Variants in PRDM12 observed in about 807,000 individuals in gnomAD.
The protein encoded by PRDM12 is PR/SET domain 12.
Under a neutral mutation model 29.6 loss-of-function variants are expected in PRDM12, and 17 were observed. That is an observed-to-expected ratio of 0.57 (90% CI 0.39 to 0.86). PRDM12 has a LOEUF of 0.86. Ranked by LOEUF, PRDM12 falls within the 40% of genes least tolerant of loss-of-function variation. The probability of loss-of-function intolerance (pLI) is 0.00; values close to 1 mark genes in which losing one functional copy is unlikely to be tolerated. For synonymous variants in PRDM12, 231 were observed against 225.8 expected, an observed-to-expected ratio of 1.02 and a Z score of -0.21; for missense variants, 422 against 510.8, an observed-to-expected ratio of 0.83 and a Z score of 1.68.
chr9:130,673,264 C>T (rs571444723), intron 3 of PRDM12, among the ~76,000 whole-genome samples: 50 of 152,284 alleles, frequency 3.3e-4, no homozygotes, highest in African/African-American at 1.1e-3. Flanking sequence ...GGCGGGACCC[C>T]GGGAGCCTCT....
chr9:130,668,052 T>C lies in PRDM12; in HGVS notation c.415-106T>C. 7.2e-7 allele frequency: 1 copy of C among 1,392,540 alleles called. No homozygotes were observed. The highest frequency in any genetic ancestry group is 1.4e-5 in the African/African-American group (1 of 70,772). 86.3% of individuals were successfully genotyped at this position (1,392,540 alleles called of 1,614,324 possible). On this transcript the variant is annotated intron_variant, in intron 2 of 4. Coordinates refer to ENST00000253008, the MANE Select transcript of PRDM12 (RefSeq NM_021619.3). This position sits in a 1 kb window ranked among gnomAD's most constrained non-coding sequence, Gnocchi z 4.0. ...GTGGGAAAATGAAGCTTTATCCACT[T>C]CCTGGGGCTGTTGTGAGGATGGAGA...
chr9:130,668,254 C>G lies in PRDM12; in HGVS notation c.511C>G (p.Gln171Glu). The change falls in exon 3 of 5, where the codon CAG becomes GAG. Residue 171 changes from glutamine to glutamate, a missense_variant. Gln to Glu is a conservative substitution (Grantham distance 29, BLOSUM62 2). Around this residue, in one of 5 missense-constraint regions of PRDM12, gnomAD observed 300 missense variants for 350.0 expected, o/e 0.86. Coordinates refer to ENST00000253008, the MANE Select transcript of PRDM12 (RefSeq NM_021619.3). This position sits in a 1 kb window ranked among gnomAD's most constrained non-coding sequence, Gnocchi z 4.0. ...CTACATCAAGTGTGCACGTAACGAA[C>G]AGGAGCAGAACCTGGAGGTGGTCCA... ...MTYIKCARNE[Q>E]EQNLEVVQIG... 3 of 1,614,196 alleles carry G rather than the reference C, an allele frequency of 1.9e-6. No individual in the cohort carries two copies. Among genetic ancestry groups the G allele is most frequent in the Non-Finnish European group, 2.5e-6 (3 of 1,180,028 alleles).
chr9:130,664,699 G>A lies in PRDM12; in HGVS notation c.46G>A (p.Gly16Arg), dbSNP rs759815395. The change falls in exon 1 of 5, where the codon GGG (glycine) becomes AGG (arginine). Residue 16 changes from glycine to arginine, a missense_variant. Physicochemically the swap from Gly to Arg is moderately radical, Grantham distance 125. This residue lies in a region of PRDM12 where 300 missense variants were observed against 350.0 expected (regional missense o/e 0.86). Coordinates refer to ENST00000253008, the MANE Select transcript of PRDM12 (RefSeq NM_021619.3). The surrounding 1 kb of genome is among the most constrained non-coding windows in gnomAD (Gnocchi z 6.4). ...GGCTGAGGCCCTGGTGCTCAAGACC[G>A]GGCTGAAGGCGCCGGGACTGGCGCT... is the stretch of plus-strand genomic sequence containing the variant. ...LPAEALVLKT[G>R]LKAPGLALAE... The A allele has an allele frequency of 6.9e-6, 11 of 1,601,458 alleles. No individual in the cohort carries two copies. In the African/African-American group the frequency reaches 1.2e-4, roughly 18 times the overall value.
chr9:130,674,421 T>G (rs1033712271), intron 3 of PRDM12, among the ~76,000 whole-genome samples: 2 of 151,762 alleles, frequency 1.3e-5, no homozygotes, highest in East Asian at 3.9e-4. Context: ...AATGCTGGGA[T>G]TACAGGTGAG....
rs1043322798 is a variant in PRDM12, at chr9:130,677,376, T to C, written c.571-1153T>C. Among the ~76,000 whole-genome samples, 15 of 152,334 alleles carry C rather than the reference T, an allele frequency of 9.8e-5. No individual in the cohort carries two copies. The South Asian group carries it at 2.1e-3, about 21-fold the overall frequency. Reference sequence around the variant, plus strand: ...AACCAAGCAGACACAGAGGGGGCCCTGTCTCTGACCACAGAAGCCAACGCG... The same window carrying C: ...AACCAAGCAGACACAGAGGGGGCCCCGTCTCTGACCACAGAAGCCAACGCG... On this transcript the variant is annotated intron_variant, in intron 3 of 4. Transcript: ENST00000253008.
At position 130,681,809 on chromosome 9, in the gene PRDM12, C is replaced by T. The variant is rs1282623414; in HGVS notation, c.*140C>T. On this transcript the variant is annotated 3_prime_UTR_variant, in exon 5 of 5. Coordinates refer to ENST00000253008, the MANE Select transcript of PRDM12 (RefSeq NM_021619.3). This position sits in a 1 kb window ranked among gnomAD's most constrained non-coding sequence, Gnocchi z 8.1. Reference sequence around the variant, plus strand: ...GCGCGCTGGGGTTGCGCCCCGGAGGCGGATCTCAGGCACCCCCGCCTTGGC... The same window carrying T: ...GCGCGCTGGGGTTGCGCCCCGGAGGTGGATCTCAGGCACCCCCGCCTTGGC... 2.6e-6 allele frequency: 2 copies of T among 784,270 alleles called. No homozygotes were observed. The highest frequency in any genetic ancestry group is 1.9e-5 in the African/African-American group (1 of 52,984). The allele number at this position is 784,270 out of a possible 1,614,324, so 48.6% of individuals were successfully genotyped here.
rs903639979 is a variant in PRDM12 at position 130,681,771 on chromosome 9, G to T, written c.*102G>T. 9.6e-6 allele frequency: 9 copies of T among 937,140 alleles called. No individual in the cohort carries two copies. Among genetic ancestry groups the T allele is most frequent in the Non-Finnish European group, 1.0e-5 (8 of 786,422 alleles). The allele number at this position is 937,140 out of a possible 1,614,324, so 58.1% of individuals were successfully genotyped here. A position where few individuals can be genotyped will look rare whatever the true frequency, so the allele number is the denominator to read the frequency against. On this transcript the variant is annotated 3_prime_UTR_variant, in exon 5 of 5. Transcript: ENST00000253008. The surrounding 1 kb of genome is among the most constrained non-coding windows in gnomAD (Gnocchi z 8.1). ...CAGCCCCAACCCCCGGCCCGGCGCC[G>T]CCGCGGAGCCCCGCGCGCTGGGGTT...
chr9:130,680,634 A>AAATATATATATATATATATAT (rs1469778040), intron 4 of PRDM12, among the ~76,000 whole-genome samples: 1 of 88,496 alleles, frequency 1.1e-5, no homozygotes, highest in Non-Finnish European at 1.9e-5. Context: ...AAAAAAAAAA[A>AAATATATATATATATATATAT]ATATATATAT....
At chr9:130,678,381 G>C in intron 3 of PRDM12, 148 bp from the exon 4 acceptor site, 1 of 608,252 alleles carries the variant, frequency 1.6e-6, no homozygotes, top group South Asian at 2.0e-5. Context: ...CAGCTTCCCG[G>C]GACAGCTCAG....
At chr9:130,669,651 T>C (rs1830769508) in intron 3 of PRDM12, among the ~76,000 whole-genome samples, 1 of 149,286 alleles carries the variant, frequency 6.7e-6, no homozygotes, top group Non-Finnish European at 1.5e-5. Flanking sequence ...CCGTCTCTAC[T>C]AAAAAATACA....
At chr9:130,674,304 C>T (rs1830815955) in intron 3 of PRDM12, among the ~76,000 whole-genome samples, 1 of 151,934 alleles carries the variant, frequency 6.6e-6, no homozygotes, top group Non-Finnish European at 1.5e-5. Context: ...TGAGCCACTG[C>T]GCCCGGCCCA....
chr9:130,666,600 C>T lies in PRDM12; in HGVS notation c.224-8C>T. The T allele has an allele frequency of 2.5e-6, 4 of 1,596,946 alleles. No homozygotes were observed. Among genetic ancestry groups the T allele is most frequent in the Non-Finnish European group, 3.4e-6 (4 of 1,173,044 alleles). On this transcript the variant is annotated splice_polypyrimidine_tract_variant and splice_region_variant and intron_variant, in intron 1 of 4. Transcript: ENST00000253008. The stretch of plus-strand genomic sequence containing the variant: ...CTCTGACCGGTTTTCCTGGCCCCGC[C>T]GCCGCAGAAGTGCAGAAGCTGTCCA...
intron 4 of PRDM12, among the ~76,000 whole-genome samples, chr9:130,679,330 C>CTTTT (rs68186892): frequency 5.1e-5 from 6 of 116,538 alleles, no homozygotes; most frequent in Non-Finnish European, 1.0e-4. Flanking sequence ...TTCTTTCTTC[C>CTTTT]TTTTTTTTTT....
chr9:130,668,320 G>A lies in PRDM12; in HGVS notation c.570+7G>A, dbSNP rs1468987723. The stretch of plus-strand genomic sequence containing the variant: ...CTTCTACAAGGCCATTGAGGTGTGT[G>A]TGTGTGTGTGCACTGTTGTGTAGGG... On this transcript the variant is annotated splice_region_variant and intron_variant, in intron 3 of 4. Transcript: ENST00000253008. The surrounding 1 kb of genome is among the most constrained non-coding windows in gnomAD (Gnocchi z 4.0). 2 of 1,613,788 alleles carry A rather than the reference G, an allele frequency of 1.2e-6. No homozygotes were observed. The highest frequency in any genetic ancestry group is 2.2e-5 in the East Asian group (1 of 44,888).
At chr9:130,674,490 A>ATTTGTGTGTGTG (rs1554752552) in intron 3 of PRDM12, among the ~76,000 whole-genome samples, 1 of 59,670 alleles carries the variant, frequency 1.7e-5, no homozygotes, top group African/African-American at 7.2e-5. Flanking sequence ...TTAAAAGATA[A>ATTTGTGTGTGTG]TTTGTGTGTG....
intron 3 of PRDM12, among the ~76,000 whole-genome samples, chr9:130,674,018 T>C (rs918826853): frequency 7.8e-6 from 1 of 128,842 alleles, no homozygotes; most frequent in African/African-American, 2.9e-5. Flanking sequence ...TTCTTTTTTT[T>C]TTTTTTTTTT....
Position 130,681,758 on chromosome 9 carries a change from C to T in PRDM12, c.*89C>T. On this transcript the variant is annotated 3_prime_UTR_variant, in exon 5 of 5. Coordinates refer to ENST00000253008, the MANE Select transcript of PRDM12 (RefSeq NM_021619.3). The surrounding 1 kb of genome is among the most constrained non-coding windows in gnomAD (Gnocchi z 8.1). ...GCGACTCGCCCTCCAGCCCCAACCC[C>T]CGGCCCGGCGCCGCCGCGGAGCCCC... 1.0e-6 allele frequency: 1 copy of T among 963,210 alleles called. No individual in the cohort carries two copies. The highest frequency in any genetic ancestry group is 1.2e-6 in the Non-Finnish European group (1 of 810,086). The allele number at this position is 963,210 out of a possible 1,614,324, so 59.7% of individuals were successfully genotyped here. A position where few individuals can be genotyped will look rare whatever the true frequency, so the allele number is the denominator to read the frequency against.
intron 3 of PRDM12, among the ~76,000 whole-genome samples, chr9:130,674,215 A>G (rs1027192247): frequency 6.6e-6 from 1 of 151,272 alleles, no homozygotes; most frequent in Non-Finnish European, 1.5e-5. Context: ...GGGTTTCACT[A>G]TGTTAGCTAG....
Position 130,680,637 on chromosome 9 carries a change from AT to A in PRDM12, c.683-610del, listed in dbSNP as rs1564249299. Among the ~76,000 whole-genome samples, 424 of 70,924 alleles carry A rather than the reference AT, an allele frequency of 6.0e-3. 4 individuals are homozygous for A. The highest frequency in any genetic ancestry group is 0.01 in the African/African-American group (136 of 12,978). 46.5% of individuals were successfully genotyped at this position (70,924 alleles called of 152,430 possible). Reference sequence around the variant, plus strand: ...GAGACTCCGTCTAAAAAAAAAAAATATATATATATATATATATATATATTTT... The same window carrying A: ...GAGACTCCGTCTAAAAAAAAAAAATAATATATATATATATATATATATTTT... On this transcript the variant is annotated intron_variant, in intron 4 of 4. Transcript: ENST00000253008.
Sources: gnomAD v4.1 joint callset for allele counts (sites outside exome capture counted in the v4.1 genomes callset) on GRCh38, gnomAD v4.1.1 for gene constraint, gnomAD v4.1.1 regional missense constraint, Gnocchi (gnomAD v3.1) non-coding constraint, MANE v1.5 for transcripts, NCBI Gene and HGNC (gene_info 2026-07-23, HGNC 2026-07-21) for gene names.